The following SLC25A24 variants were observed in gnomAD, a reference collection of about 807,000 sequenced individuals.
SLC25A24 encodes mitochondrial adenyl nucleotide antiporter SLC25A24.
A neutral mutation model predicts 60.7 loss-of-function variants in SLC25A24; 49 were observed. The ratio of observed to expected loss-of-function variants is 0.81; its 90% CI spans 0.64 to 1.02. The LOEUF is 1.02. SLC25A24 is among the 50% of genes least tolerant of loss of function. The pLI is 0.00. For synonymous variants in SLC25A24, 202 were observed against 200.6 expected (o/e 1.01, Z -0.06); for missense variants, 564 against 586.3 (o/e 0.96, Z 0.39).
intron 9 of SLC25A24, among the ~76,000 whole-genome samples, chr1:108,137,309 C>T: frequency 6.6e-6 from 1 of 152,080 alleles, no homozygotes. Context: ...AGTTAAATCT[C>T]AGGAAGTAAG....
intron 3 of SLC25A24, among the ~76,000 whole-genome samples, chr1:108,170,913 C>T (rs980679978): frequency 9.2e-5 from 14 of 151,988 alleles, no homozygotes; most frequent in African/African-American, 3.4e-4. Context: ...ACCTCAAACC[C>T]CCAGGGAAAC....
At chr1:108,184,577 T>C (rs201840515) in intron 2 of SLC25A24, among the ~76,000 whole-genome samples, 1 of 152,234 alleles carries the variant, frequency 6.6e-6, no homozygotes, top group South Asian at 2.1e-4. Context: ...AATTAAACTT[T>C]AATATTCATT....
intron 3 of SLC25A24, among the ~76,000 whole-genome samples, chr1:108,164,073 T>C (rs566787122): frequency 6.6e-6 from 1 of 152,222 alleles, no homozygotes; most frequent in Admixed American, 6.5e-5. Context: ...TCTTTGGTTC[T>C]GTTTATATGC....
intron 1 of SLC25A24, among the ~76,000 whole-genome samples, chr1:108,190,650 GT>G (rs2101646064): frequency 6.7e-6 from 1 of 150,324 alleles, no homozygotes; most frequent in East Asian, 1.9e-4. Flanking sequence ...ACAATAAAAA[GT>G]TATTGCTTTT....
chr1:108,149,385 C>T (rs965131204), intron 6 of SLC25A24, among the ~76,000 whole-genome samples: 6 of 152,056 alleles, frequency 3.9e-5, no homozygotes, highest in Non-Finnish European at 8.8e-5. Context: ...TCCAGAGCCA[C>T]GTGGCCTCGA....
intron 1 of SLC25A24, among the ~76,000 whole-genome samples, chr1:108,194,659 C>A (rs536271213): frequency 3.3e-5 from 5 of 152,046 alleles, no homozygotes; most frequent in African/African-American, 1.2e-4. Flanking sequence ...ATTTTTTATT[C>A]CCCATGCACC....
intron 3 of SLC25A24, among the ~76,000 whole-genome samples, chr1:108,164,578 A>G (rs1234576175): frequency 1.3e-5 from 2 of 150,230 alleles, no homozygotes; most frequent in African/African-American, 2.4e-5. Context: ...GTTTATTTGC[A>G]TAGAGGTGTT....
At chr1:108,165,981 C>T (rs907333418) in intron 3 of SLC25A24, among the ~76,000 whole-genome samples, 5 of 152,128 alleles carry the variant, frequency 3.3e-5, no homozygotes, top group African/African-American at 1.2e-4. Flanking sequence ...TCTTTTAGGG[C>T]AGGCCTGGTG....
rs1289367553 is a variant in SLC25A24, at chr1:108,136,773, T to C, written c.1314A>G (p.Glu438=). The C allele has an allele frequency of 6.2e-7, 1 of 1,614,162 alleles. No individual in the cohort carries two copies. Among genetic ancestry groups the C allele is most frequent in the Admixed American group, 1.7e-5 (1 of 60,024 alleles). ...TGCCTCTGTAAAGTCCTGGTATTCC[T>C]TCTTTGGAAATAATTCGTCGAAAGA... ...VGLFRRIISK[E]GIPGLYRGIT... Residue 438 remains glutamate, a synonymous_variant, in exon 10 of 10, where the codon GAA becomes GAG. Coordinates refer to ENST00000565488, the MANE Select transcript of SLC25A24 (RefSeq NM_013386.5).
intron 7 of SLC25A24, among the ~76,000 whole-genome samples, 198 bp downstream of exon 7, chr1:108,148,081 A>T (rs1180457546): frequency 1.3e-5 from 2 of 152,182 alleles, no homozygotes; most frequent in Non-Finnish European, 2.9e-5. Flanking sequence ...CCAAGCTCTG[A>T]CTACCATCTT....
Position 108,199,807 on chromosome 1 carries a change from G to C in SLC25A24, c.183+149C>G, listed in dbSNP as rs983016759. ...GGTCGCCGGTCGCGGCCCCACGCCC[G>C]AGTTTCTGAAGCCACCGGAGCGCTG... On this transcript the variant is annotated intron_variant, in intron 1 of 9. Coordinates refer to ENST00000565488, the MANE Select transcript of SLC25A24 (RefSeq NM_013386.5). 4.7e-6 allele frequency: 3 copies of C among 644,868 alleles called. No individual in the cohort carries two copies. In the African/African-American group the frequency reaches 5.6e-5, roughly 12 times the overall value. The allele number at this position is 644,868 out of a possible 1,614,324, so 39.9% of individuals were successfully genotyped here. A position where few individuals can be genotyped will look rare whatever the true frequency, so the allele number is the denominator to read the frequency against.
intron 7 of SLC25A24, among the ~76,000 whole-genome samples, chr1:108,147,188 T>C (rs969175769): frequency 3.3e-5 from 5 of 152,228 alleles, no homozygotes; most frequent in African/African-American, 1.2e-4. Flanking sequence ...CTAGATTTTC[T>C]AGTTTATTTG....
At chr1:108,177,712 A>T (rs1397524948) in intron 3 of SLC25A24, among the ~76,000 whole-genome samples, 2 of 152,212 alleles carry the variant, frequency 1.3e-5, no homozygotes, top group African/African-American at 4.8e-5. Flanking sequence ...AAGAGGATAT[A>T]ATAGTAAGTT....
intron 9 of SLC25A24, among the ~76,000 whole-genome samples, chr1:108,138,125 A>T (rs11185280): frequency 0.03 from 4,626 of 152,286 alleles, 169 homozygotes; most frequent in African/African-American, 0.08. Flanking sequence ...TGCTCCCCTA[A>T]CAAAAGAGGA....
chr1:108,171,378 A>C (rs1647454626), intron 3 of SLC25A24, among the ~76,000 whole-genome samples: 1 of 152,096 alleles, frequency 6.6e-6, no homozygotes, highest in Non-Finnish European at 1.5e-5. Flanking sequence ...TTTTCTTAGA[A>C]CCCACAAATG....
At chr1:108,168,314 A>C (rs1647291205) in intron 3 of SLC25A24, among the ~76,000 whole-genome samples, 1 of 152,152 alleles carries the variant, frequency 6.6e-6, no homozygotes. Context: ...CAATATTTAT[A>C]GGTTTATTTA....
chr1:108,149,169 A>G (rs1679687031), intron 6 of SLC25A24, among the ~76,000 whole-genome samples: 1 of 152,254 alleles, frequency 6.6e-6, no homozygotes, highest in Non-Finnish European at 1.5e-5. Context: ...TATTAACAAA[A>G]CAATTTATAA....
At chr1:108,152,474 C>T (rs905351813) in intron 6 of SLC25A24, among the ~76,000 whole-genome samples, 1 of 152,154 alleles carries the variant, frequency 6.6e-6, no homozygotes. Flanking sequence ...TCAAGTGATC[C>T]TCCCACCTCA....
In SLC25A24 at chr1:108,181,927, C is replaced by A; in HGVS notation, c.398+14G>T. On this transcript the variant is annotated intron_variant, in intron 3 of 9. Coordinates refer to ENST00000565488, the MANE Select transcript of SLC25A24 (RefSeq NM_013386.5). ...AAAGTGAAAGTCAATTGTTGACCAA[C>A]ATGAAGAGCTTACCTTTGAAGAATC... 6.3e-7 allele frequency: 1 copy of A among 1,584,084 alleles called. No individual in the cohort carries two copies. The highest frequency in any genetic ancestry group is 8.7e-7 in the Non-Finnish European group (1 of 1,154,100).
Sources: gnomAD v4.1 joint callset for allele counts (sites outside exome capture counted in the v4.1 genomes callset) on GRCh38, gnomAD v4.1.1 for gene constraint, MANE v1.5 for transcripts, NCBI Gene and HGNC (gene_info 2026-07-23, HGNC 2026-07-21) for gene names.